SYCE3: variants seen among roughly 807,000 people sequenced by gnomAD.
The protein encoded by SYCE3 is testis highly expressed gene 2 protein.
A neutral mutation model predicts 8.1 loss-of-function variants in SYCE3; 3 were observed. The ratio of observed to expected loss-of-function variants is 0.37; its 90% CI spans 0.17 to 0.96. The LOEUF is 0.96. Among genes scored for constraint, SYCE3 ranks in the 40% least tolerant of loss-of-function variants. The pLI is 0.41. For missense variants in SYCE3, 83 were observed against 110.0 expected (o/e 0.75, Z 1.10); for synonymous variants, 36 against 38.7 (o/e 0.93, Z 0.26).
At chr22:50,557,336 A>G (rs762791164) in intron 1 of SYCE3, among the ~76,000 whole-genome samples, 5 of 151,904 alleles carry the variant, frequency 3.3e-5, no homozygotes, top group Non-Finnish European at 7.4e-5. Context: ...TTGTATTTTT[A>G]GTAGAGATGG....
At chr22:50,560,226 T>C (rs1315415934) in intron 1 of SYCE3, among the ~76,000 whole-genome samples, 1 of 152,216 alleles carries the variant, frequency 6.6e-6, no homozygotes, top group Non-Finnish European at 1.5e-5. Flanking sequence ...GGCCCAGGCA[T>C]GGTAGCTCAT....
intron 1 of SYCE3, among the ~76,000 whole-genome samples, chr22:50,556,679 A>T (rs2069862963): frequency 6.6e-6 from 1 of 152,244 alleles, no homozygotes; most frequent in Non-Finnish European, 1.5e-5. Context: ...CACAGAAAAC[A>T]TCTTCATTAT....
chr22:50,559,809 T>C (rs143305198), intron 1 of SYCE3, among the ~76,000 whole-genome samples: 4,712 of 152,256 alleles, frequency 0.031, 179 homozygotes, highest in South Asian at 0.14. Context: ...GCGCCTGTAG[T>C]CCCAGCTACT....
intron 1 of SYCE3, among the ~76,000 whole-genome samples, chr22:50,559,016 A>G (rs1398542762): frequency 6.6e-6 from 1 of 151,736 alleles, no homozygotes; most frequent in African/African-American, 2.4e-5. Context: ...GTTCTCTCCA[A>G]ACTCTGTCCA....
At chr22:50,554,475 C>T (rs2069839423) in intron 2 of SYCE3, among the ~76,000 whole-genome samples, 1 of 151,862 alleles carries the variant, frequency 6.6e-6, no homozygotes, top group African/African-American at 2.4e-5. Context: ...AGGTGGATCA[C>T]CTGAGGTTAG....
chr22:50,555,188 C>A (rs907195124), intron 2 of SYCE3, among the ~76,000 whole-genome samples: 4 of 151,640 alleles, frequency 2.6e-5, no homozygotes, highest in African/African-American at 7.3e-5. Flanking sequence ...GTCATTAGGA[C>A]CCCCTGAGGC....
At chr22:50,560,470 G>A (rs1284004117) in intron 1 of SYCE3, among the ~76,000 whole-genome samples, 1 of 152,144 alleles carries the variant, frequency 6.6e-6, no homozygotes, top group African/African-American at 2.4e-5. Context: ...ATGAAAAAAA[G>A]GGCTCAGTAA....
intron 1 of SYCE3, among the ~76,000 whole-genome samples, chr22:50,558,969 C>T (rs771887640): frequency 4.6e-5 from 7 of 152,194 alleles, no homozygotes; most frequent in Non-Finnish European, 1.0e-4. Context: ...GCCATTTTCT[C>T]CTGCTCAAAA....
At chr22:50,561,826 T>C (rs2146600361) in intron 1 of SYCE3, among the ~76,000 whole-genome samples, 1 of 150,434 alleles carries the variant, frequency 6.6e-6, no homozygotes, top group African/African-American at 2.4e-5. Flanking sequence ...GGAGTTGGGC[T>C]ATGAAGAGTC....
intron 1 of SYCE3, 83 bp from the exon 2 acceptor site, chr22:50,556,488 T>C: frequency 1.1e-6 from 1 of 945,788 alleles, no homozygotes; most frequent in East Asian, 2.6e-5. Flanking sequence ...CAGTGATTTC[T>C]CTAAGGAATT....
intron 2 of SYCE3, among the ~76,000 whole-genome samples, chr22:50,552,757 G>A (rs564678433): frequency 1.3e-5 from 2 of 152,286 alleles, no homozygotes; most frequent in East Asian, 1.9e-4. Flanking sequence ...AACCCCCGAC[G>A]TGATGGTATT....
At chr22:50,557,475 C>T (rs759003900) in intron 1 of SYCE3, among the ~76,000 whole-genome samples, 5 of 151,946 alleles carry the variant, frequency 3.3e-5, no homozygotes, top group Admixed American at 6.6e-5. Flanking sequence ...ATTTTTTAAA[C>T]GGGAATTATT....
At chr22:50,557,458 G>GT (rs2069871903) in intron 1 of SYCE3, among the ~76,000 whole-genome samples, 1 of 151,998 alleles carries the variant, frequency 6.6e-6, no homozygotes, top group African/African-American at 2.4e-5. Context: ...ACCCAGCCAA[G>GT]TTTTGTATTT....
intron 2 of SYCE3, among the ~76,000 whole-genome samples, chr22:50,553,366 C>T (rs1159121353): frequency 6.6e-6 from 1 of 151,972 alleles, no homozygotes; most frequent in Non-Finnish European, 1.5e-5. Flanking sequence ...TCGTTGGTGC[C>T]CTAATGGAAT....
Position 50,554,693 on chromosome 22 carries a change from C to CAAA in SYCE3, c.109+1601_109+1603dup, listed in dbSNP as rs35905749. Among the ~76,000 whole-genome samples the CAAA allele has an allele frequency of 8.9e-5, 7 of 78,502 alleles. 1 individual carries two copies. The highest frequency in any genetic ancestry group is 9.3e-5 in the Non-Finnish European group (4 of 43,054). 51.5% of individuals were successfully genotyped at this position (78,502 alleles called of 152,430 possible). A position where few individuals can be genotyped will look rare whatever the true frequency, so the allele number is the denominator to read the frequency against. Reference sequence around the variant, plus strand: ...TGGACGACAGAGCAAGACTCCGTCTCAAAAAAAAAAAAAAAAAAAGGCCAG... The same window carrying CAAA: ...TGGACGACAGAGCAAGACTCCGTCTCAAAAAAAAAAAAAAAAAAAAAAGGCCAG... On this transcript the variant is annotated intron_variant, in intron 2 of 2. Transcript: ENST00000406915.
chr22:50,558,269 T>C (rs1438908507), intron 1 of SYCE3, among the ~76,000 whole-genome samples: 1 of 151,950 alleles, frequency 6.6e-6, no homozygotes, highest in Non-Finnish European at 1.5e-5. Flanking sequence ...ACTAAAAATA[T>C]AAAAATTAGC....
intron 1 of SYCE3, among the ~76,000 whole-genome samples, chr22:50,560,252 G>C (rs568411704): frequency 3.9e-5 from 6 of 152,172 alleles, no homozygotes; most frequent in Non-Finnish European, 5.9e-5. Flanking sequence ...GAATCCCAGT[G>C]CTTTGGGAGG....
At chr22:50,557,812 A>T (rs1029951762) in intron 1 of SYCE3, among the ~76,000 whole-genome samples, 1 of 152,146 alleles carries the variant, frequency 6.6e-6, no homozygotes, top group African/African-American at 2.4e-5. Context: ...ACAGGGAGGG[A>T]TGGGCCACAG....
At chr22:50,551,435 A>G in intron 2 of SYCE3, 33 bp from the exon 3 acceptor site, 2 of 1,532,356 alleles carry the variant, frequency 1.3e-6, no homozygotes, top group Non-Finnish European at 1.8e-6. Context: ...GTCAGGCCAC[A>G]GGGAGGGGCT....
Sources: allele counts gnomAD v4.1 joint callset (sites outside exome capture counted in the v4.1 genomes callset), GRCh38; gene constraint gnomAD v4.1.1; transcripts MANE v1.5; gene names NCBI Gene and HGNC (gene_info 2026-07-23, HGNC 2026-07-21).